VPS13C: variants seen among roughly 807,000 people sequenced by gnomAD.
VPS13C encodes intermembrane lipid transfer protein VPS13C.
A neutral mutation model predicts 456.8 loss-of-function variants in VPS13C; 358 were observed. That is an observed-to-expected ratio of 0.78 (90% CI 0.72 to 0.86). The LOEUF (loss-of-function observed/expected upper bound fraction) is 0.86, where lower values mean the gene tolerates loss of function less well. VPS13C is among the 40% of genes least tolerant of loss of function. The pLI, the probability that VPS13C is intolerant of heterozygous loss-of-function variation, is 0.00. For missense variants in VPS13C, 4,818 were observed against 4,385.4 expected (o/e 1.10, Z -2.79); for synonymous variants, 1,578 against 1,486.7 (o/e 1.06, Z -1.41).
intron 37 of VPS13C, 57 bp downstream of exon 37, chr15:61,958,551 C>G: frequency 1.0e-6 from 1 of 989,564 alleles, no homozygotes; most frequent in Non-Finnish European, 1.5e-6. Flanking sequence ...TGATTCCCTA[C>G]TAAACCATAA....
Position 61,919,321 on chromosome 15 carries a change from T to G in VPS13C, c.7606A>C (p.Asn2536His), listed in dbSNP as rs1420955587. Residue 2536 changes from asparagine (N) to histidine (H), a missense_variant, in exon 58 of 85, where the codon AAT becomes CAT. Physicochemically the swap from Asn to His is moderately conservative, Grantham distance 68. Around this residue, in one of 3 missense-constraint regions of VPS13C, gnomAD observed 4,552 missense variants for 4,130.6 expected, o/e 1.10. Coordinates refer to ENST00000644861, the MANE Select transcript of VPS13C (RefSeq NM_020821.3). ...GGAGAGCGAAGGGTAATTACTTTATTCCCTTCAGTTGCATCAATTTGTACC... is the reference window on the plus strand; with the variant it reads ...GGAGAGCGAAGGGTAATTACTTTATGCCCTTCAGTTGCATCAATTTGTACC... ...VLVQIDATEG[N>H]KVITLRSPLQ... 6.2e-7 allele frequency: 1 copy of G among 1,607,468 alleles called. No individual in the cohort carries two copies.
rs35381809 is a variant in VPS13C at position 61,996,998 on chromosome 15, C to CATATATATATATATAT, written c.1353+3565_1353+3566insATATATATATATATAT. Among the ~76,000 whole-genome samples the CATATATATATATATAT allele has an allele frequency of 1.7e-3, 249 of 145,552 alleles. 2 individuals are homozygous for CATATATATATATATAT. Among genetic ancestry groups the CATATATATATATATAT allele is most frequent in the African/African-American group, 6.2e-3 (238 of 38,300 alleles). ...CTTGCCTATATATTTTACATACATA[C>CATATATATATATATAT]ATATATATATATATGTATAGAATAT... On this transcript the variant is annotated intron_variant, in intron 16 of 84. Coordinates refer to ENST00000644861, the MANE Select transcript of VPS13C (RefSeq NM_020821.3).
chr15:61,870,990 A>G (rs1228931321), intron 79 of VPS13C, among the ~76,000 whole-genome samples: 1 of 152,098 alleles, frequency 6.6e-6, no homozygotes, highest in Admixed American at 6.6e-5. Flanking sequence ...ATAGTTCTCT[A>G]TATTTTCTAG....
intron 26 of VPS13C, 49 bp from the exon 27 acceptor site, chr15:61,972,813 C>T: frequency 1.3e-6 from 2 of 1,500,328 alleles, no homozygotes; most frequent in South Asian, 1.2e-5. Context: ...ACATTGAAAA[C>T]TGCATGAAAC....
At chr15:61,947,875 A>C (rs1424865550) in intron 42 of VPS13C, among the ~76,000 whole-genome samples, 1 of 151,716 alleles carries the variant, frequency 6.6e-6, no homozygotes, top group African/African-American at 2.4e-5. Flanking sequence ...AAAAAATACC[A>C]AAAAAAAATT....
chr15:61,873,128 C>T, intron 78 of VPS13C, 118 bp downstream of exon 78: 1 of 1,438,986 alleles, frequency 6.9e-7, no homozygotes, highest in Non-Finnish European at 9.3e-7. Flanking sequence ...CATCATTTAT[C>T]ATTCTTTCTA....
intron 37 of VPS13C, among the ~76,000 whole-genome samples, chr15:61,958,286 T>C (rs1299076152): frequency 6.6e-6 from 1 of 152,100 alleles, no homozygotes; most frequent in African/African-American, 2.4e-5. Flanking sequence ...CATAACCTAC[T>C]GCCAACTCAA....
At chr15:61,999,235 C>T (rs62006967) in intron 16 of VPS13C, among the ~76,000 whole-genome samples, 2 of 151,948 alleles carry the variant, frequency 1.3e-5, no homozygotes, top group South Asian at 2.1e-4. Flanking sequence ...AAAAATTAGC[C>T]GGGCATGGTG....
chr15:61,975,823 A>T (rs1040150161), intron 24 of VPS13C, among the ~76,000 whole-genome samples: 1 of 152,120 alleles, frequency 6.6e-6, no homozygotes, highest in African/African-American at 2.4e-5. Context: ...ACACAAATAT[A>T]AAACTTTGTA....
chr15:62,012,396 T>C (rs1047180115), intron 11 of VPS13C, among the ~76,000 whole-genome samples: 2 of 151,928 alleles, frequency 1.3e-5, no homozygotes, highest in Admixed American at 1.3e-4. Flanking sequence ...AACAACCTTG[T>C]AGTATGTCCA....
At chr15:62,008,273 C>G (rs1350034253) in intron 14 of VPS13C, among the ~76,000 whole-genome samples, 2 of 151,602 alleles carry the variant, frequency 1.3e-5, no homozygotes, top group African/African-American at 4.8e-5. Context: ...TGGTTGCACA[C>G]CCCGTACCCC....
At chr15:61,861,102 C>T (rs868822081) in intron 82 of VPS13C, among the ~76,000 whole-genome samples, 2 of 151,786 alleles carry the variant, frequency 1.3e-5, no homozygotes, top group African/African-American at 4.8e-5. Context: ...GCTGGGATTA[C>T]AGGCATGCGC....
chr15:61,970,921 T>G (rs1240112222), intron 27 of VPS13C, among the ~76,000 whole-genome samples: 2 of 128,178 alleles, frequency 1.6e-5, no homozygotes, highest in Admixed American at 1.5e-4. Context: ...GCAAAGGAAA[T>G]AGCAAGCACA....
At chr15:62,049,669 T>A (rs985478583) in intron 1 of VPS13C, among the ~76,000 whole-genome samples, 1 of 152,214 alleles carries the variant, frequency 6.6e-6, no homozygotes, top group Non-Finnish European at 1.5e-5. Flanking sequence ...GGGGATGGCA[T>A]TGAAACTATA....
Position 61,977,141 on chromosome 15 carries a change from G to T in VPS13C, c.2349C>A (p.Pro783=). 1 of 1,598,384 alleles carries T rather than the reference G, an allele frequency of 6.3e-7. No individual in the cohort carries two copies. The highest frequency in any genetic ancestry group is 8.5e-7 in the Non-Finnish European group (1 of 1,173,098). Residue 783 remains proline (P), a synonymous_variant, in exon 24 of 85, where the codon CCC becomes CCA. Coordinates refer to ENST00000644861, the MANE Select transcript of VPS13C (RefSeq NM_020821.3). ...QHPSTMHILQ[P]MDIHVELAKA... ...TAGCCAACTCAACATGAATATCCAT[G>T]GGTTGCAATATATGCATAGTTGATG...
chr15:62,018,547 T>C (rs1043043488), intron 9 of VPS13C, among the ~76,000 whole-genome samples: 1 of 151,872 alleles, frequency 6.6e-6, no homozygotes, highest in African/African-American at 2.4e-5. Context: ...GAGATAATCA[T>C]GTGGTTTTTG....
chr15:61,951,698 G>C lies in VPS13C; in HGVS notation c.4456+126C>G, dbSNP rs984948276. ...AGAACTGTACCCAGGGACTGTTTTT[G>C]AAAAGTTGAGTTAATGTACTAGGAA... On this transcript the variant is annotated intron_variant, in intron 39 of 84. Coordinates refer to ENST00000644861, the MANE Select transcript of VPS13C (RefSeq NM_020821.3). 8 of 1,051,732 alleles carry C rather than the reference G, an allele frequency of 7.6e-6. No individual in the cohort carries two copies. The African/African-American group carries it at 1.3e-4, about 17-fold the overall frequency. The allele number at this position is 1,051,732 out of a possible 1,614,324, so 65.1% of individuals were successfully genotyped here. A position where few individuals can be genotyped will look rare whatever the true frequency, so the allele number is the denominator to read the frequency against.
intron 82 of VPS13C, among the ~76,000 whole-genome samples, chr15:61,862,675 A>G (rs1041738780): frequency 3.9e-5 from 6 of 152,170 alleles, no homozygotes; most frequent in Non-Finnish European, 8.8e-5. Flanking sequence ...ACTCTTAACT[A>G]ATGAGCAAAT....
chr15:61,970,194 C>T (rs1344176772), intron 27 of VPS13C, among the ~76,000 whole-genome samples: 3 of 152,078 alleles, frequency 2.0e-5, no homozygotes, highest in Non-Finnish European at 4.4e-5. Context: ...AGCTCCCAGC[C>T]AATAGCCAGT....
Sources: gnomAD v4.1 joint callset for allele counts (sites outside exome capture counted in the v4.1 genomes callset) on GRCh38, gnomAD v4.1.1 for gene constraint, gnomAD v4.1.1 regional missense constraint, MANE v1.5 for transcripts, NCBI Gene and HGNC (gene_info 2026-07-23, HGNC 2026-07-21) for gene names.